Variants in AFG2A observed in about 807,000 individuals in gnomAD.
AFG2A encodes ATPase family gene 2 protein homolog A.
the AFG2A span, among the ~76,000 whole-genome samples, chr4:123,280,670 C>T: frequency 6.6e-6 from 1 of 152,198 alleles, no homozygotes; most frequent in African/African-American, 2.4e-5. Context: ...CTGTTTCTGA[C>T]CTATGCCTCC....
chr4:123,242,033 A>G, the AFG2A span, among the ~76,000 whole-genome samples: 11 of 152,318 alleles, frequency 7.2e-5, no homozygotes, highest in South Asian at 6.2e-4. Context: ...CACAATTGCT[A>G]CAAAGAAAAT....
the AFG2A span, among the ~76,000 whole-genome samples, chr4:123,161,066 G>A: frequency 0.79 from 119,706 of 152,066 alleles, 47,835 homozygotes; most frequent in Non-Finnish European, 0.85. Flanking sequence ...ATGACTTTCT[G>A]TCTCAATTCT....
chr4:122,979,258 A>C, the AFG2A span: 1 of 1,614,112 alleles, frequency 6.2e-7, no homozygotes, highest in Non-Finnish European at 8.5e-7. Context: ...GAGAATCCTG[A>C]AAAAACAGCC....
chr4:123,064,652 C>T, the AFG2A span, among the ~76,000 whole-genome samples: 3 of 152,282 alleles, frequency 2.0e-5, no homozygotes, highest in African/African-American at 4.8e-5. Flanking sequence ...CTCTGACTGA[C>T]GAAATGAGTA....
At chr4:123,251,306 A>G in the AFG2A span, among the ~76,000 whole-genome samples, 3 of 152,200 alleles carry the variant, frequency 2.0e-5, no homozygotes, top group Non-Finnish European at 4.4e-5. Context: ...CAGCAAGTAA[A>G]TCAATCTGGC....
chr4:123,006,335 A>T, the AFG2A span, among the ~76,000 whole-genome samples: 11 of 151,292 alleles, frequency 7.3e-5, no homozygotes, highest in Non-Finnish European at 1.0e-4. Flanking sequence ...ACATTTTATC[A>T]TTGGTTTTAA....
chr4:123,266,794 T>C, the AFG2A span, among the ~76,000 whole-genome samples: 775 of 152,120 alleles, frequency 5.1e-3, 8 homozygotes, highest in African/African-American at 0.018. Context: ...ATTGCTACTT[T>C]CTCACCTATA....
the AFG2A span, among the ~76,000 whole-genome samples, chr4:123,197,753 G>A: frequency 3.7e-4 from 56 of 150,244 alleles, no homozygotes; most frequent in East Asian, 6.5e-3. Flanking sequence ...GGGTGACGGA[G>A]TAAGACTCCA....
At chr4:122,931,229 A>G in the AFG2A span, among the ~76,000 whole-genome samples, 3 of 152,316 alleles carry the variant, frequency 2.0e-5, no homozygotes, top group African/African-American at 7.2e-5. Context: ...TCCATAAACA[A>G]AAGTAAATGT....
the AFG2A span, among the ~76,000 whole-genome samples, chr4:123,200,359 T>C: frequency 2.6e-5 from 4 of 152,258 alleles, no homozygotes; most frequent in African/African-American, 9.6e-5. Context: ...TTCTTTTCTC[T>C]ACTCTTCCTG....
chr4:122,927,079 G>A, the AFG2A span, among the ~76,000 whole-genome samples: 1 of 152,160 alleles, frequency 6.6e-6, no homozygotes, highest in African/African-American at 2.4e-5. Context: ...TTGTTAACTG[G>A]CCTGAATTCT....
At chr4:123,238,785 AG>A in the AFG2A span, among the ~76,000 whole-genome samples, 1 of 152,220 alleles carries the variant, frequency 6.6e-6, no homozygotes, top group Non-Finnish European at 1.5e-5. Context: ...TCTCCTCCAA[AG>A]GATCACAGCT....
the AFG2A span, among the ~76,000 whole-genome samples, chr4:123,009,929 T>C: frequency 2.0e-5 from 3 of 152,226 alleles, no homozygotes; most frequent in Non-Finnish European, 4.4e-5. Flanking sequence ...TGGCTTTTCT[T>C]ATCTGATAAC....
At chr4:123,052,454 G>A in the AFG2A span, among the ~76,000 whole-genome samples, 1 of 152,190 alleles carries the variant, frequency 6.6e-6, no homozygotes, top group Non-Finnish European at 1.5e-5. Context: ...GGCCTCTGGT[G>A]CCTCATGTCC....
chr4:122,938,276 GT>G, the AFG2A span: 1 of 1,509,450 alleles, frequency 6.6e-7, no homozygotes, highest in South Asian at 1.4e-5. Context: ...TATTGATTCT[GT>G]GTAGGGTTAA....
At chr4:122,953,874 C>T in the AFG2A span, among the ~76,000 whole-genome samples, 7 of 152,332 alleles carry the variant, frequency 4.6e-5, no homozygotes, top group African/African-American at 1.4e-4. Context: ...CTTGGGCCAC[C>T]TGAGACACTG....
At chr4:123,146,302 C>A in the AFG2A span, among the ~76,000 whole-genome samples, 10 of 151,924 alleles carry the variant, frequency 6.6e-5, no homozygotes, top group African/African-American at 2.4e-4. Flanking sequence ...ATAAAGAACC[C>A]AAGAAAGGGT....
At chr4:123,243,272 A>T in the AFG2A span, among the ~76,000 whole-genome samples, 2,132 of 152,352 alleles carry the variant, frequency 0.014, 57 homozygotes, top group African/African-American at 0.048. Flanking sequence ...ATTATAAATC[A>T]TGCTGCTATA....
the AFG2A span, among the ~76,000 whole-genome samples, chr4:123,222,070 A>C: frequency 6.6e-6 from 1 of 152,212 alleles, no homozygotes; most frequent in Admixed American, 6.5e-5. Flanking sequence ...TTTAGAACTA[A>C]AATGTTCTGG....
Sources: allele counts gnomAD v4.1 joint callset (sites outside exome capture counted in the v4.1 genomes callset), GRCh38; gene constraint gnomAD v4.1.1; transcripts MANE v1.5; gene names NCBI Gene and HGNC (gene_info 2026-07-23, HGNC 2026-07-21).